SNTG1: variants seen among roughly 807,000 people sequenced by gnomAD.
SNTG1 encodes gamma-1-syntrophin.
A neutral mutation model predicts 74.7 loss-of-function variants in SNTG1; 39 were observed. The observed-to-expected ratio is 0.52, with a 90% CI of 0.40 to 0.68. The LOEUF is 0.68. Ranked by LOEUF, SNTG1 falls within the 30% of genes least tolerant of loss-of-function variation. The pLI is 0.00. For synonymous variants in SNTG1, 254 were observed against 217.1 expected (o/e 1.17, Z -1.49); for missense variants, 685 against 609.5 (o/e 1.12, Z -1.30).
chr8:50,530,981 G>A (rs2625733), intron 10 of SNTG1, among the ~76,000 whole-genome samples: 3 of 152,008 alleles, frequency 2.0e-5, no homozygotes, highest in African/African-American at 4.8e-5. Context: ...AGAAGCAGAG[G>A]TGACGTTAAG....
intron 1 of SNTG1, among the ~76,000 whole-genome samples, chr8:49,954,564 T>C (rs1430190096): frequency 6.6e-6 from 1 of 152,318 alleles, no homozygotes; most frequent in Non-Finnish European, 1.5e-5. Flanking sequence ...TTTCTTTCAG[T>C]CTTTAATTTT....
chr8:50,509,508 G>A (rs1281488318), intron 9 of SNTG1, among the ~76,000 whole-genome samples: 1 of 152,142 alleles, frequency 6.6e-6, no homozygotes, highest in Non-Finnish European at 1.5e-5. Flanking sequence ...ACCTTGGGCA[G>A]TATGGCCATT....
intron 2 of SNTG1, among the ~76,000 whole-genome samples, chr8:50,385,101 A>G (rs988397392): frequency 2.0e-5 from 3 of 152,160 alleles, no homozygotes; most frequent in Non-Finnish European, 4.4e-5. Flanking sequence ...AAGGCTCTAA[A>G]CAGCATCCCT....
intron 15 of SNTG1, among the ~76,000 whole-genome samples, chr8:50,671,127 A>G (rs912567182): frequency 9.2e-5 from 14 of 151,614 alleles, no homozygotes; most frequent in South Asian, 8.3e-4. Flanking sequence ...CAGGACATAG[A>G]CATGGGCAAG....
intron 15 of SNTG1, among the ~76,000 whole-genome samples, chr8:50,659,983 G>A (rs972822707): frequency 3.3e-5 from 5 of 152,034 alleles, no homozygotes; most frequent in African/African-American, 1.2e-4. Context: ...GGGACTACAG[G>A]CACATGCCAC....
At chr8:50,152,020 TC>T (rs769803837) in intron 1 of SNTG1, among the ~76,000 whole-genome samples, 2 of 152,154 alleles carry the variant, frequency 1.3e-5, no homozygotes, top group African/African-American at 2.4e-5. Context: ...TGTTAAAGTC[TC>T]CCATTATTAT....
intron 1 of SNTG1, among the ~76,000 whole-genome samples, chr8:49,996,706 T>C (rs1814254691): frequency 6.6e-6 from 1 of 152,138 alleles, no homozygotes; most frequent in Non-Finnish European, 1.5e-5. Flanking sequence ...TTTCACTACT[T>C]TGTCCCATCA....
intron 15 of SNTG1, among the ~76,000 whole-genome samples, chr8:50,665,266 G>A (rs1301456313): frequency 6.6e-6 from 1 of 152,048 alleles, no homozygotes; most frequent in East Asian, 1.9e-4. Flanking sequence ...GATATGTTAT[G>A]CGGAAGGTGA....
chr8:50,273,202 A>G (rs958222220), intron 2 of SNTG1, among the ~76,000 whole-genome samples: 8 of 152,204 alleles, frequency 5.3e-5, no homozygotes, highest in Non-Finnish European at 2.9e-5. Context: ...ATGTTATATT[A>G]TAAGGGCTTT....
At chr8:50,330,503 AC>A (rs747368270) in intron 2 of SNTG1, among the ~76,000 whole-genome samples, 17 of 152,198 alleles carry the variant, frequency 1.1e-4, no homozygotes, top group Non-Finnish European at 1.6e-4. Context: ...CCTTCTTCTC[AC>A]CCTCCAAACT....
chr8:50,767,791 G>A (rs1225727214), intron 18 of SNTG1, among the ~76,000 whole-genome samples: 1 of 151,858 alleles, frequency 6.6e-6, no homozygotes, highest in African/African-American at 2.4e-5. Context: ...ATATGTTTAT[G>A]TATATGTATT....
intron 1 of SNTG1, among the ~76,000 whole-genome samples, chr8:50,165,416 C>T (rs1337863464): frequency 6.6e-6 from 1 of 152,178 alleles, no homozygotes; most frequent in Non-Finnish European, 1.5e-5. Context: ...AGGAAAATGT[C>T]AAAACGTATC....
At chr8:50,045,211 G>A (rs150575523) in intron 1 of SNTG1, among the ~76,000 whole-genome samples, 2 of 152,240 alleles carry the variant, frequency 1.3e-5, no homozygotes, top group African/African-American at 4.8e-5. Flanking sequence ...AAATACTTGT[G>A]GCTGGGTAAT....
At chr8:49,951,388 T>A (rs1809683791) in intron 1 of SNTG1, among the ~76,000 whole-genome samples, 1 of 152,198 alleles carries the variant, frequency 6.6e-6, no homozygotes, top group Non-Finnish European at 1.5e-5. Context: ...ATTAGTCCAT[T>A]TTACTGCTGA....
At position 50,085,851 on chromosome 8, in the gene SNTG1, A is replaced by T. The variant is rs567318469; in HGVS notation, c.-102-86710A>T. Among the ~76,000 whole-genome samples the T allele has an allele frequency of 1.2e-4, 19 of 152,330 alleles. 2 individuals carry two copies. Among genetic ancestry groups the T allele is most frequent in the African/African-American group, 4.6e-4 (19 of 41,574 alleles). The stretch of plus-strand genomic sequence containing the variant: ...TGGAAAACTCTTATAACACACACTG[A>T]TGCCCAAGCCTTGTGTTGGACCACT... On this transcript the variant is annotated intron_variant, in intron 1 of 18. Coordinates refer to ENST00000642720, the MANE Select transcript of SNTG1 (RefSeq NM_018967.5).
At chr8:50,298,758 G>A (rs748526894) in intron 2 of SNTG1, among the ~76,000 whole-genome samples, 2 of 152,108 alleles carry the variant, frequency 1.3e-5, no homozygotes, top group Non-Finnish European at 2.9e-5. Flanking sequence ...GTTTCTAGAG[G>A]AAGTGACGGC....
chr8:50,715,368 T>A (rs565121256), intron 17 of SNTG1, among the ~76,000 whole-genome samples: 2 of 152,190 alleles, frequency 1.3e-5, no homozygotes, highest in African/African-American at 4.8e-5. Context: ...TCTGATTGCT[T>A]TTATTATTAT....
At chr8:50,455,520 A>T (rs2093497039) in intron 8 of SNTG1, among the ~76,000 whole-genome samples, 2 of 152,212 alleles carry the variant, frequency 1.3e-5, no homozygotes, top group Admixed American at 1.3e-4. Context: ...GTAATTTAAA[A>T]TGACACCTTC....
intron 2 of SNTG1, among the ~76,000 whole-genome samples, chr8:50,324,411 A>G (rs1311207337): frequency 6.6e-6 from 1 of 152,164 alleles, no homozygotes; most frequent in Admixed American, 6.6e-5. Context: ...TTTCCATAAT[A>G]TAAAGTTTAA....
Sources: allele counts gnomAD v4.1 joint callset (sites outside exome capture counted in the v4.1 genomes callset), GRCh38; gene constraint gnomAD v4.1.1; transcripts MANE v1.5; gene names NCBI Gene and HGNC (gene_info 2026-07-23, HGNC 2026-07-21).